The following SDK1 variants were observed in gnomAD, a reference collection of about 807,000 sequenced individuals.
SDK1 encodes protein sidekick-1.
In SDK1, 157 loss-of-function variants were observed where a neutral mutation model predicts 245.5. The observed-to-expected ratio is 0.64, with a 90% confidence interval of 0.56 to 0.73. The LOEUF is 0.73. Ranked by LOEUF, SDK1 falls within the 30% of genes least tolerant of loss-of-function variation. The pLI, the probability that SDK1 is intolerant of heterozygous loss-of-function variation, is 0.00. For missense variants in SDK1, 3,583 were observed against 3,002.3 expected, an observed-to-expected ratio of 1.19 and a Z score of -4.52; for synonymous variants, 1,647 against 1,278.5, an observed-to-expected ratio of 1.29 and a Z score of -6.15.
At chr7:4,247,226 T>G (rs1289543708) in intron 44 of SDK1, among the ~76,000 whole-genome samples, 1 of 152,176 alleles carries the variant, frequency 6.6e-6, no homozygotes, top group Non-Finnish European at 1.5e-5. Flanking sequence ...ATCGAATGGC[T>G]TCTTTTCAAC....
chr7:3,905,201 C>T (rs1471941261), intron 5 of SDK1, among the ~76,000 whole-genome samples: 1 of 151,702 alleles, frequency 6.6e-6, no homozygotes. Flanking sequence ...TTTTAAATAG[C>T]TACTACGTGT....
At chr7:3,552,987 A>T (rs1779464142) in intron 1 of SDK1, among the ~76,000 whole-genome samples, 1 of 152,218 alleles carries the variant, frequency 6.6e-6, no homozygotes, top group African/African-American at 2.4e-5. Context: ...TTTTATCATA[A>T]AACTAAAACC....
rs186151088 is a variant in SDK1, at chr7:3,820,581, C to T, written c.714-869C>T. On this transcript the variant is annotated intron_variant, in intron 4 of 44. Transcript: ENST00000404826. ...TTCCTTGGATGAATGGAAGTTGTGT[C>T]TTTCTTGTTTTTATTCTTTTTTAAA... Among the ~76,000 whole-genome samples the T allele has an allele frequency of 4.2e-3, 639 of 152,312 alleles. 4 individuals are homozygous for T. The highest frequency in any genetic ancestry group is 6.7e-3 in the Non-Finnish European group (453 of 68,010).
chr7:4,221,156 C>A lies in SDK1; in HGVS notation c.5702-83C>A, dbSNP rs533532846. ...CACTCTGCAGCCTCGACCGGTCTGA[C>A]CCCCCACTGTGAAATCTCACGGGGT... On this transcript the variant is annotated intron_variant, in intron 39 of 44. Transcript: ENST00000404826. The A allele has an allele frequency of 2.1e-5, 32 of 1,532,278 alleles. No homozygotes were observed. The African/African-American group carries it at 3.9e-4, about 19-fold the overall frequency. 94.9% of individuals were successfully genotyped at this position (1,532,278 alleles called of 1,614,324 possible).
chr7:4,212,020 G>A (rs1784539713), intron 38 of SDK1, among the ~76,000 whole-genome samples: 1 of 152,188 alleles, frequency 6.6e-6, no homozygotes, highest in Non-Finnish European at 1.5e-5. Context: ...CACCACACTG[G>A]GGTGAAATAC....
intron 14 of SDK1, among the ~76,000 whole-genome samples, chr7:4,003,147 G>C (rs2128145208): frequency 6.6e-6 from 1 of 152,354 alleles, no homozygotes; most frequent in East Asian, 1.9e-4. Flanking sequence ...TTGTGTGCCT[G>C]GGCACACGCA....
At chr7:3,474,189 G>A (rs1390981156) in intron 1 of SDK1, among the ~76,000 whole-genome samples, 1 of 131,606 alleles carries the variant, frequency 7.6e-6, no homozygotes, top group African/African-American at 2.9e-5. Flanking sequence ...TGCAACCTCT[G>A]CCTCCTGGGT....
intron 5 of SDK1, among the ~76,000 whole-genome samples, chr7:3,871,391 A>G (rs1208088892): frequency 6.6e-6 from 1 of 152,088 alleles, no homozygotes; most frequent in Non-Finnish European, 1.5e-5. Flanking sequence ...TTCCTCTCGA[A>G]TCTGTATTGC....
intron 1 of SDK1, among the ~76,000 whole-genome samples, chr7:3,511,797 T>G (rs1194198461): frequency 7.6e-6 from 1 of 131,490 alleles, no homozygotes; most frequent in Non-Finnish European, 1.6e-5. Context: ...TTTTTGTTTT[T>G]TGTTTTTTTT....
chr7:3,639,063 A>G lies in SDK1; in HGVS notation c.518A>G (p.Asn173Ser). The G allele has an allele frequency of 6.2e-7, 1 of 1,605,102 alleles. No individual in the cohort carries two copies. Among genetic ancestry groups the G allele is most frequent in the Non-Finnish European group, 8.5e-7 (1 of 1,173,180 alleles). Residue 173 changes from asparagine (N) to serine (S), a missense_variant, in exon 3 of 45, where the codon AAC becomes AGC. Physicochemically the swap from Asn to Ser is conservative, Grantham distance 46. Coordinates refer to ENST00000404826, the MANE Select transcript of SDK1 (RefSeq NM_152744.4). ...GGGTTTTACCGCTGCGTGGTGCGAAACAGAATGGGAGCACTCCTGCAAAGA... is the reference window on the plus strand; with the variant it reads ...GGGTTTTACCGCTGCGTGGTGCGAAGCAGAATGGGAGCACTCCTGCAAAGA... ...DAGFYRCVVR[N>S]RMGALLQRKS...
intron 1 of SDK1, among the ~76,000 whole-genome samples, chr7:3,414,321 C>G (rs1273839146): frequency 6.6e-6 from 1 of 151,924 alleles, no homozygotes; most frequent in Non-Finnish European, 1.5e-5. Flanking sequence ...ACTGTTTGGC[C>G]CAGCCCACGG....
At chr7:4,214,087 C>G (rs896035114) in intron 38 of SDK1, among the ~76,000 whole-genome samples, 2 of 152,168 alleles carry the variant, frequency 1.3e-5, no homozygotes, top group African/African-American at 2.4e-5. Flanking sequence ...AGATTGGGCT[C>G]AGAGCCACAA....
chr7:4,066,753 C>A (rs1779928687), intron 19 of SDK1, among the ~76,000 whole-genome samples: 1 of 152,226 alleles, frequency 6.6e-6, no homozygotes, highest in African/African-American at 2.4e-5. Flanking sequence ...GTCAGAACTG[C>A]CAGATGTCCC....
Position 4,114,236 on chromosome 7 carries a change from C to G in SDK1, c.3785C>G (p.Pro1262Arg), listed in dbSNP as rs1162571409. The G allele has an allele frequency of 6.2e-7, 1 of 1,612,368 alleles. No individual in the cohort carries two copies. Among genetic ancestry groups the G allele is most frequent in the Non-Finnish European group, 8.5e-7 (1 of 1,179,600 alleles). ...GCCTTCAACGCCGTCGGGGCTGGGC[C>G]GTGGAGCGAGGTGGTGCGGGGCCGG... ...MQAFNAVGAG[P>R]WSEVVRGRTR... is the part of the protein sequence containing the mutation. The change falls in exon 25 of 45, where the codon CCG becomes CGG. Residue 1262 changes from proline to arginine, a missense_variant. By Grantham distance (103) the Pro-to-Arg change is moderately radical (BLOSUM62 -2). Coordinates refer to ENST00000404826, the MANE Select transcript of SDK1 (RefSeq NM_152744.4).
At chr7:3,841,628 G>A (rs541985576) in intron 5 of SDK1, among the ~76,000 whole-genome samples, 9 of 151,684 alleles carry the variant, frequency 5.9e-5, no homozygotes, top group Admixed American at 3.9e-4. Flanking sequence ...GTGCAGTGGC[G>A]CAATCTCGGC....
intron 1 of SDK1, among the ~76,000 whole-genome samples, chr7:3,468,117 CATTT>C (rs1781066938): frequency 6.6e-6 from 1 of 152,068 alleles, no homozygotes; most frequent in Non-Finnish European, 1.5e-5. Flanking sequence ...AGAAATCATT[CATTT>C]CAGTTGTGAA....
intron 1 of SDK1, among the ~76,000 whole-genome samples, chr7:3,502,092 T>C (rs755400272): frequency 6.6e-6 from 1 of 152,088 alleles, no homozygotes; most frequent in Non-Finnish European, 1.5e-5. Context: ...ATTAGTGGGG[T>C]TTAGTCAGTC....
At chr7:3,974,763 G>C in intron 13 of SDK1, 1 of 499,416 alleles carries the variant, frequency 2.0e-6, no homozygotes, top group Non-Finnish European at 3.6e-6. Context: ...GGTGTAGATG[G>C]TGTGATCATT....
intron 22 of SDK1, among the ~76,000 whole-genome samples, chr7:4,085,551 A>T (rs1395913824): frequency 6.6e-6 from 1 of 151,534 alleles, no homozygotes; most frequent in Non-Finnish European, 1.5e-5. Context: ...ATCATTTTAC[A>T]TTTTTTTTAT....
Sources: allele counts gnomAD v4.1 joint callset (sites outside exome capture counted in the v4.1 genomes callset), GRCh38; gene constraint gnomAD v4.1.1; transcripts MANE v1.5; gene names NCBI Gene and HGNC (gene_info 2026-07-23, HGNC 2026-07-21).